The following TRAPPC9 variants were observed in gnomAD, a reference collection of about 807,000 sequenced individuals.
TRAPPC9 encodes trafficking protein particle complex subunit 9.
TRAPPC9 carries 83 observed loss-of-function variants against 124.0 expected under a neutral mutation model. That is an observed-to-expected ratio of 0.67 (90% CI 0.56 to 0.80). TRAPPC9 has a LOEUF of 0.80. Among genes scored for constraint, TRAPPC9 ranks in the 30% least tolerant of loss-of-function variants. TRAPPC9 has a pLI of 0.00. For synonymous variants in TRAPPC9, 638 were observed against 617.5 expected, an observed-to-expected ratio of 1.03 and a Z score of -0.49; for missense variants, 1,302 against 1,508.3, an observed-to-expected ratio of 0.86 and a Z score of 2.27.
intron 21 of TRAPPC9, among the ~76,000 whole-genome samples, chr8:139,809,926 T>C (rs766916434): frequency 1.8e-4 from 28 of 152,254 alleles, no homozygotes; most frequent in Admixed American, 7.2e-4. Context: ...CCCTCTTCCC[T>C]GACTCCTGTG....
intron 9 of TRAPPC9, among the ~76,000 whole-genome samples, chr8:140,338,148 G>A (rs1345803148): frequency 1.3e-5 from 2 of 152,104 alleles, no homozygotes; most frequent in Non-Finnish European, 2.9e-5. Flanking sequence ...AGCCAGAAAA[G>A]TCTTATTTTT....
At chr8:140,190,224 G>A (rs1447826954) in intron 17 of TRAPPC9, among the ~76,000 whole-genome samples, 2 of 152,188 alleles carry the variant, frequency 1.3e-5, no homozygotes, top group African/African-American at 4.8e-5. Context: ...GGGAGGCTGA[G>A]GCTGGAGGAT....
At chr8:139,799,846 T>C (rs867594679) in intron 21 of TRAPPC9, among the ~76,000 whole-genome samples, 1 of 152,174 alleles carries the variant, frequency 6.6e-6, no homozygotes, top group African/African-American at 2.4e-5. Flanking sequence ...GTGCCGAGCA[T>C]GGGGCCACTG....
chr8:139,956,990 G>C (rs911940234), intron 19 of TRAPPC9, among the ~76,000 whole-genome samples: 1 of 152,266 alleles, frequency 6.6e-6, no homozygotes, highest in Non-Finnish European at 1.5e-5. Flanking sequence ...CCTTCGAGCG[G>C]GAGGGACACG....
At chr8:140,288,309 G>A (rs542171129) in intron 12 of TRAPPC9, among the ~76,000 whole-genome samples, 179 of 152,316 alleles carry the variant, frequency 1.2e-3, no homozygotes, top group African/African-American at 3.8e-3. Flanking sequence ...GCACTCCAGC[G>A]TGGGGGACAG....
At chr8:140,046,886 C>G (rs970865587) in intron 17 of TRAPPC9, among the ~76,000 whole-genome samples, 1 of 152,252 alleles carries the variant, frequency 6.6e-6, no homozygotes, top group Non-Finnish European at 1.5e-5. Context: ...CTCTCTGGAA[C>G]TCAACTTTTC....
At chr8:140,152,882 T>G (rs1450263801) in intron 17 of TRAPPC9, among the ~76,000 whole-genome samples, 1 of 152,240 alleles carries the variant, frequency 6.6e-6, no homozygotes, top group Non-Finnish European at 1.5e-5. Context: ...TATTTCATTT[T>G]CTAACACAAT....
intron 9 of TRAPPC9, among the ~76,000 whole-genome samples, chr8:140,357,650 C>G (rs1335257399): frequency 6.6e-6 from 1 of 152,126 alleles, no homozygotes; most frequent in Non-Finnish European, 1.5e-5. Context: ...TTCACTCGAG[C>G]AGGTAACACC....
At chr8:140,315,340 C>G (rs2066415943) in intron 9 of TRAPPC9, among the ~76,000 whole-genome samples, 1 of 149,254 alleles carries the variant, frequency 6.7e-6, no homozygotes, top group Non-Finnish European at 1.5e-5. Context: ...CAAAGACACA[C>G]TGATGCAAGA....
chr8:139,745,819 T>G (rs1255711043), intron 21 of TRAPPC9, among the ~76,000 whole-genome samples: 1 of 152,256 alleles, frequency 6.6e-6, no homozygotes, highest in East Asian at 1.9e-4. Flanking sequence ...ACTTCACCTC[T>G]CTGAGCTCAA....
intron 19 of TRAPPC9, among the ~76,000 whole-genome samples, chr8:139,942,510 T>G (rs893971883): frequency 2.0e-5 from 3 of 152,186 alleles, no homozygotes; most frequent in African/African-American, 4.8e-5. Flanking sequence ...TTATTGGTGC[T>G]TAATAGGTGT....
intron 18 of TRAPPC9, among the ~76,000 whole-genome samples, chr8:140,011,573 G>A (rs1839128095): frequency 1.5e-5 from 2 of 137,392 alleles, no homozygotes; most frequent in African/African-American, 2.8e-5. Flanking sequence ...GTACAATCTC[G>A]GCTCACTGCA....
At chr8:139,932,139 G>A (rs1290382211) in intron 19 of TRAPPC9, 5 of 362,270 alleles carry the variant, frequency 1.4e-5, no homozygotes, top group Non-Finnish European at 2.7e-5. Context: ...TGGCCCAAAG[G>A]CAGGGCTTTG....
chr8:140,050,793 C>T (rs933001755), intron 17 of TRAPPC9, among the ~76,000 whole-genome samples: 2 of 152,164 alleles, frequency 1.3e-5, no homozygotes, highest in African/African-American at 4.8e-5. Flanking sequence ...AACAACCCAC[C>T]GACAACCCCA....
At chr8:139,943,223 C>T (rs771121023) in intron 19 of TRAPPC9, among the ~76,000 whole-genome samples, 5 of 152,158 alleles carry the variant, frequency 3.3e-5, no homozygotes, top group Admixed American at 1.3e-4. Flanking sequence ...CATACCACCA[C>T]GCCCAGCTAA....
intron 21 of TRAPPC9, among the ~76,000 whole-genome samples, chr8:139,868,673 G>C (rs146859210): frequency 1.3e-5 from 2 of 152,204 alleles, no homozygotes; most frequent in African/African-American, 4.8e-5. Context: ...CCCCTAAAGC[G>C]TAGTAATAAC....
intron 21 of TRAPPC9, among the ~76,000 whole-genome samples, chr8:139,794,305 G>A (rs899863366): frequency 6.6e-5 from 10 of 152,206 alleles, no homozygotes; most frequent in African/African-American, 2.2e-4. Flanking sequence ...CTCCTCCTCA[G>A]AAGCTGCCCG....
At chr8:140,273,851 T>C (rs1462591643) in intron 15 of TRAPPC9, among the ~76,000 whole-genome samples, 1 of 152,202 alleles carries the variant, frequency 6.6e-6, no homozygotes, top group African/African-American at 2.4e-5. Context: ...CAGGGAATGG[T>C]TTTATTTTCA....
chr8:140,306,331 TA>T (rs2066133945), intron 10 of TRAPPC9, among the ~76,000 whole-genome samples: 1 of 151,748 alleles, frequency 6.6e-6, no homozygotes. Context: ...CTGTCTCTAC[TA>T]AAAATACAAA....
Sources: gnomAD v4.1 joint callset for allele counts (sites outside exome capture counted in the v4.1 genomes callset) on GRCh38, gnomAD v4.1.1 for gene constraint, MANE v1.5 for transcripts, NCBI Gene and HGNC (gene_info 2026-07-23, HGNC 2026-07-21) for gene names.